Variants in NGF observed in about 807,000 individuals in gnomAD.
The protein encoded by NGF is nerve growth factor, also known as beta-nerve growth factor.
Under a neutral mutation model 12.8 loss-of-function variants are expected in NGF, and 4 were observed. That is an observed-to-expected ratio of 0.31 (90% CI 0.15 to 0.72). The LOEUF (loss-of-function observed/expected upper bound fraction) is 0.72. NGF is among the 30% of genes least tolerant of loss of function. NGF has a pLI of 0.69. For missense variants in NGF, 283 were observed against 330.8 expected (o/e 0.86, Z 1.12); for synonymous variants, 140 against 130.0 (o/e 1.08, Z -0.52).
chr1:115,317,012 A>C lies in NGF; in HGVS notation c.-137+21192T>G, dbSNP rs142109567. ...AATTGTCCATGGTATTCAAATTTTC[A>C]TATTACTTTAGCGATCTAGAAGTGC... On this transcript the variant is annotated intron_variant, in intron 1 of 2. Transcript: ENST00000369512. Among the ~76,000 whole-genome samples the C allele has an allele frequency of 5.4e-3, 827 of 152,170 alleles. 12 individuals are homozygous for C. The highest frequency in any genetic ancestry group is 0.018 in the African/African-American group (751 of 41,516).
At position 115,304,329 on chromosome 1, in the gene NGF, A is replaced by ATTTTTTTTTTTTTTTTTTTTT. The variant is rs58345237; in HGVS notation, c.-136-10580_-136-10579insAAAAAAAAAAAAAAAAAAAAA. Among the ~76,000 whole-genome samples the ATTTTTTTTTTTTTTTTTTTTT allele has an allele frequency of 4.3e-4, 35 of 80,816 alleles. 3 individuals carry two copies. The highest frequency in any genetic ancestry group is 6.9e-3 in the Middle Eastern group (1 of 144). The allele number at this position is 80,816 out of a possible 152,430, so 53.0% of individuals were successfully genotyped here. A position where few individuals can be genotyped will look rare whatever the true frequency, so the allele number is the denominator to read the frequency against. On this transcript the variant is annotated intron_variant, in intron 1 of 2. Coordinates refer to ENST00000369512, the MANE Select transcript of NGF (RefSeq NM_002506.3). Reference sequence around the variant, plus strand: ...AGGAGCGCACCACCATGCTTGGCTAATTTTTTTTTTTTTTTTGTATTTTTA... The same window carrying ATTTTTTTTTTTTTTTTTTTTT: ...AGGAGCGCACCACCATGCTTGGCTAATTTTTTTTTTTTTTTTTTTTTTTTTTTTTTTTTTTTTGTATTTTTA...
intron 1 of NGF, among the ~76,000 whole-genome samples, chr1:115,315,673 C>G (rs1019111001): frequency 6.6e-6 from 1 of 152,092 alleles, no homozygotes; most frequent in Non-Finnish European, 1.5e-5. Flanking sequence ...TTTGAATAGG[C>G]AGTTGATATA....
intron 1 of NGF, among the ~76,000 whole-genome samples, chr1:115,320,526 T>C (rs1415697277): frequency 6.6e-6 from 1 of 152,130 alleles, no homozygotes; most frequent in Non-Finnish European, 1.5e-5. Context: ...CCAAGCAGGC[T>C]ACTAAGTGAC....
rs571132334 is a variant in NGF at position 115,299,991 on chromosome 1, A to T, written c.-136-6241T>A. Among the ~76,000 whole-genome samples, 3 of 152,308 alleles carry T rather than the reference A, an allele frequency of 2.0e-5. No homozygotes were observed. The East Asian group carries it at 5.8e-4, about 29-fold the overall frequency. On this transcript the variant is annotated intron_variant, in intron 1 of 2. Transcript: ENST00000369512. Reference sequence around the variant, plus strand: ...CTATGGAGTCTCCAGGCTACTGCAGACCTTGAATGACCACCTAGGATTGAA... The same window carrying T: ...CTATGGAGTCTCCAGGCTACTGCAGTCCTTGAATGACCACCTAGGATTGAA...
chr1:115,328,204 A>C (rs956442300), intron 1 of NGF, among the ~76,000 whole-genome samples: 4 of 152,156 alleles, frequency 2.6e-5, no homozygotes, highest in Non-Finnish European at 5.9e-5. Context: ...AACAAGGGTG[A>C]ATACAGAATG....
At chr1:115,332,474 T>C (rs1328665607) in intron 1 of NGF, among the ~76,000 whole-genome samples, 2 of 151,898 alleles carry the variant, frequency 1.3e-5, no homozygotes, top group East Asian at 1.9e-4. Flanking sequence ...TATGCACAGA[T>C]ACATTAAAAA....
At chr1:115,287,015 T>A (rs1653533492) in intron 2 of NGF, among the ~76,000 whole-genome samples, 1 of 152,108 alleles carries the variant, frequency 6.6e-6, no homozygotes, top group Non-Finnish European at 1.5e-5. Flanking sequence ...AGTATGGATG[T>A]GTGGTCACCC....
intron 1 of NGF, among the ~76,000 whole-genome samples, chr1:115,297,872 T>C (rs1159034067): frequency 6.6e-6 from 1 of 152,226 alleles, no homozygotes; most frequent in Non-Finnish European, 1.5e-5. Flanking sequence ...CTGATTTCAT[T>C]GACCTGGAGT....
At chr1:115,317,090 A>G (rs1330704832) in intron 1 of NGF, among the ~76,000 whole-genome samples, 2 of 151,720 alleles carry the variant, frequency 1.3e-5, no homozygotes, top group Non-Finnish European at 2.9e-5. Flanking sequence ...GAAGAGAAGG[A>G]CTTTCTCTTA....
intron 1 of NGF, among the ~76,000 whole-genome samples, chr1:115,311,655 A>G (rs544169397): frequency 6.6e-6 from 1 of 152,316 alleles, no homozygotes; most frequent in South Asian, 2.1e-4. Flanking sequence ...CCATATCTTA[A>G]TAAAGCCTAA....
intron 1 of NGF, among the ~76,000 whole-genome samples, chr1:115,308,696 AAAG>A (rs1301111174): frequency 6.6e-6 from 1 of 152,224 alleles, no homozygotes; most frequent in Non-Finnish European, 1.5e-5. Flanking sequence ...AAAAAAATAA[AAAG>A]AGAGAAAAAG....
chr1:115,314,020 C>G (rs577516447), intron 1 of NGF, among the ~76,000 whole-genome samples: 1 of 152,136 alleles, frequency 6.6e-6, no homozygotes, highest in African/African-American at 2.4e-5. Context: ...CTTCAGGATG[C>G]GGGTCCTGAG....
At chr1:115,324,336 A>T (rs528914357) in intron 1 of NGF, among the ~76,000 whole-genome samples, 1 of 152,250 alleles carries the variant, frequency 6.6e-6, no homozygotes, top group Admixed American at 6.5e-5. Context: ...CTGCCAGGCT[A>T]CATGAAAGGT....
intron 1 of NGF, among the ~76,000 whole-genome samples, chr1:115,327,343 T>C (rs1654805394): frequency 6.6e-6 from 1 of 152,226 alleles, no homozygotes; most frequent in African/African-American, 2.4e-5. Context: ...TCTCCTGCTC[T>C]TTTTTGGAAA....
At chr1:115,329,321 C>A (rs1442441665) in intron 1 of NGF, among the ~76,000 whole-genome samples, 1 of 152,154 alleles carries the variant, frequency 6.6e-6, no homozygotes, top group Non-Finnish European at 1.5e-5. Flanking sequence ...AACAGCTATA[C>A]AAGAGAGAAA....
At chr1:115,324,598 G>T (rs1465123610) in intron 1 of NGF, among the ~76,000 whole-genome samples, 3 of 152,074 alleles carry the variant, frequency 2.0e-5, no homozygotes, top group Non-Finnish European at 4.4e-5. Flanking sequence ...GAGCCCTTCA[G>T]CTTGGGTCTC....
At position 115,330,802 on chromosome 1, in the gene NGF, A is replaced by G. The variant is rs12067817; in HGVS notation, c.-137+7402T>C. The stretch of plus-strand genomic sequence containing the variant: ...TGGCCTCATGCAAAAATCCAGATTT[A>G]CGAATTTTTTTTATTCCTAAGAATT... On this transcript the variant is annotated intron_variant, in intron 1 of 2. Transcript: ENST00000369512. Among the ~76,000 whole-genome samples the G allele has an allele frequency of 9.5e-3, 1,453 of 152,274 alleles. 19 individuals carry two copies. Among genetic ancestry groups the G allele is most frequent in the African/African-American group, 0.033 (1,391 of 41,550 alleles).
chr1:115,305,645 C>G (rs963518660), intron 1 of NGF, among the ~76,000 whole-genome samples: 1 of 152,064 alleles, frequency 6.6e-6, no homozygotes, highest in Non-Finnish European at 1.5e-5. Flanking sequence ...TTGTTTATAC[C>G]CTTGAGGGAG....
intron 1 of NGF, among the ~76,000 whole-genome samples, chr1:115,306,660 T>C (rs1025929930): frequency 6.6e-6 from 1 of 152,238 alleles, no homozygotes; most frequent in Non-Finnish European, 1.5e-5. Context: ...GTGGTTTTCA[T>C]TGCAAGCACT....
Sources: gnomAD v4.1 joint callset for allele counts (sites outside exome capture counted in the v4.1 genomes callset) on GRCh38, gnomAD v4.1.1 for gene constraint, MANE v1.5 for transcripts, NCBI Gene and HGNC (gene_info 2026-07-23, HGNC 2026-07-21) for gene names.